Variants in LINC00305 observed in about 807,000 individuals in gnomAD.
LINC00305 encodes the protein long independently transcribed non-coding RNA 305.
chr18:64,103,735 C>T (rs2051277472), intron 1 of LINC00305, among the ~76,000 whole-genome samples: 1 of 152,152 alleles, frequency 6.6e-6, no homozygotes, highest in Admixed American at 6.6e-5. Context: ...TATACTTACC[C>T]TACACCAAGG....
chr18:64,145,445 G>A (rs1410879245), intron 1 of LINC00305, among the ~76,000 whole-genome samples: 1 of 152,120 alleles, frequency 6.6e-6, no homozygotes, highest in Non-Finnish European at 1.5e-5. Flanking sequence ...CCAGAAGGCG[G>A]TGACCCCCCT....
intron 1 of LINC00305, chr18:64,139,657 C>A (rs2051451880): frequency 6.6e-6 from 1 of 152,064 alleles, no homozygotes; most frequent in Non-Finnish European, 1.5e-5. Context: ...AAGACAAAAA[C>A]CAATAAAGCA....
At chr18:64,143,763 ATATTATGCGTACATGTATGTACACATAT>A (rs2051482290) in intron 1 of LINC00305, among the ~76,000 whole-genome samples, 7 of 141,346 alleles carry the variant, frequency 5.0e-5, no homozygotes, top group Admixed American at 4.2e-4. Context: ...GTATGTACAC[ATATTATGCGTACATGTATGTACACATAT>A]TATGCGTACA....
chr18:64,138,136 G>C lies in LINC00305; in HGVS notation n.314+10639C>G, dbSNP rs543597908. Among the ~76,000 whole-genome samples, 7 of 152,316 alleles carry C rather than the reference G, an allele frequency of 4.6e-5. No homozygotes were observed. In the South Asian group the frequency reaches 1.4e-3, roughly 32 times the overall value. Reference sequence around the variant, plus strand: ...ATCCAGGATGCTATTATTAGCTATGGAGAAGGCAGTCAGTTTGCAGGTTCC... The same window carrying C: ...ATCCAGGATGCTATTATTAGCTATGCAGAAGGCAGTCAGTTTGCAGGTTCC... On this transcript the variant is annotated intron_variant and non_coding_transcript_variant, in intron 1 of 3. Coordinates refer to ENST00000666468, the Ensembl canonical transcript of LINC00305.
At chr18:64,080,065 A>C (rs2051178877) in exon 4 of LINC00305, 1 of 173,998 alleles carries the variant, frequency 5.7e-6, no homozygotes. Context: ...CTATTGAGAG[A>C]TATCAAAGAA....
At chr18:64,145,917 C>T (rs926517147) in intron 1 of LINC00305, among the ~76,000 whole-genome samples, 9 of 151,962 alleles carry the variant, frequency 5.9e-5, no homozygotes, top group African/African-American at 1.4e-4. Context: ...CACTTGTTTT[C>T]GAAAATCATT....
At chr18:64,089,181 G>C (rs2051215650) in intron 3 of LINC00305, among the ~76,000 whole-genome samples, 1 of 152,116 alleles carries the variant, frequency 6.6e-6, no homozygotes, top group African/African-American at 2.4e-5. Flanking sequence ...GAGGTGATTG[G>C]ATCATGGGGG....
chr18:64,138,849 A>C (rs1187446340), intron 1 of LINC00305, among the ~76,000 whole-genome samples: 1 of 152,146 alleles, frequency 6.6e-6, no homozygotes, highest in Non-Finnish European at 1.5e-5. Flanking sequence ...TGTTTTTTGA[A>C]GATAATGTTG....
intron 3 of LINC00305, among the ~76,000 whole-genome samples, chr18:64,093,341 T>C (rs2051232267): frequency 6.6e-6 from 1 of 152,202 alleles, no homozygotes; most frequent in East Asian, 1.9e-4. Context: ...ATTTTTATTT[T>C]ATTTATTTTT....
intron 1 of LINC00305, among the ~76,000 whole-genome samples, chr18:64,142,468 G>GATACAAAGTC (rs2051468370): frequency 6.6e-6 from 1 of 152,134 alleles, no homozygotes; most frequent in African/African-American, 2.4e-5. Context: ...GTAACAAAGT[G>GATACAAAGTC]ATACAAAGTC....
At chr18:64,118,378 TATA>T (rs1238655570) in intron 1 of LINC00305, among the ~76,000 whole-genome samples, 1 of 152,168 alleles carries the variant, frequency 6.6e-6, no homozygotes, top group Non-Finnish European at 1.5e-5. Flanking sequence ...TCTTTTGTTT[TATA>T]ATAACGTTGT....
At chr18:64,127,253 CT>C (rs1203878584) in intron 1 of LINC00305, 3 of 152,116 alleles carry the variant, frequency 2.0e-5, no homozygotes, top group African/African-American at 7.2e-5. Context: ...GTTCTGCTTT[CT>C]TTAATACCTG....
intron 1 of LINC00305, among the ~76,000 whole-genome samples, chr18:64,145,103 T>C (rs1019431959): frequency 2.0e-5 from 3 of 152,192 alleles, no homozygotes. Flanking sequence ...TTCCATGGAT[T>C]GTTTGTAACC....
chr18:64,080,690 T>A (rs1172464491), intron 3 of LINC00305, among the ~76,000 whole-genome samples: 1 of 152,098 alleles, frequency 6.6e-6, no homozygotes, highest in East Asian at 1.9e-4. Context: ...TGAAAGATAA[T>A]CTCTGACAGA....
intron 1 of LINC00305, among the ~76,000 whole-genome samples, chr18:64,141,120 A>G (rs2051461034): frequency 6.6e-6 from 1 of 150,990 alleles, no homozygotes; most frequent in East Asian, 1.9e-4. Context: ...GCCTGTGGAC[A>G]CTCTGATTTT....
At chr18:64,098,058 A>G (rs964918596) in intron 2 of LINC00305, 1 of 454,964 alleles carries the variant, frequency 2.2e-6, no homozygotes, top group Non-Finnish European at 4.4e-6. Context: ...ACAAAATTAA[A>G]GATTTATTAC....
rs537410272 is a variant in LINC00305 at position 64,097,659 on chromosome 18, C to T, written n.540+175G>A. Among the ~76,000 whole-genome samples the T allele has an allele frequency of 1.1e-4, 16 of 151,908 alleles. No homozygotes were observed. The South Asian group carries it at 2.9e-3, about 28-fold the overall frequency. ...AAAGAGCCTATAAAGAACTACTCCG[C>T]GTGGTCAGAAGAGGGAGCTTTTAGA... On this transcript the variant is annotated intron_variant and non_coding_transcript_variant, in intron 3 of 3. Transcript: ENST00000666468.
At chr18:64,080,682 A>C (rs557979060) in intron 3 of LINC00305, among the ~76,000 whole-genome samples, 1 of 152,316 alleles carries the variant, frequency 6.6e-6, no homozygotes, top group African/African-American at 2.4e-5. Context: ...TATAAAATTG[A>C]AAGATAATCT....
intron 1 of LINC00305, among the ~76,000 whole-genome samples, chr18:64,128,099 C>T (rs1159991474): frequency 6.6e-6 from 1 of 152,028 alleles, no homozygotes; most frequent in Non-Finnish European, 1.5e-5. Context: ...TGTAAAGTGT[C>T]AGATTAAATC....
Sources: gnomAD v4.1 joint callset for allele counts (sites outside exome capture counted in the v4.1 genomes callset) on GRCh38, gnomAD v4.1.1 for gene constraint, MANE v1.5 for transcripts, NCBI Gene and HGNC (gene_info 2026-07-23, HGNC 2026-07-21) for gene names.